The following FBN2 variants were observed in gnomAD, a reference collection of about 807,000 sequenced individuals.
FBN2 encodes fibrillin 2.
A neutral mutation model predicts 355.6 loss-of-function variants in FBN2; 105 were observed. That is an observed-to-expected ratio of 0.30 (90% CI 0.25 to 0.35). The LOEUF is 0.35. FBN2 is among the 10% of genes least tolerant of loss of function. The probability of loss-of-function intolerance (pLI) is 1.00; values close to 1 mark genes in which losing one functional copy is unlikely to be tolerated. For missense variants in FBN2, 3,280 were observed against 3,758.7 expected, an observed-to-expected ratio of 0.87 and a Z score of 3.33; for synonymous variants, 1,350 against 1,301.2, an observed-to-expected ratio of 1.04 and a Z score of -0.81.
intron 15 of FBN2, among the ~76,000 whole-genome samples, chr5:128,372,649 G>C (rs1751972589): frequency 6.6e-6 from 1 of 152,054 alleles, no homozygotes; most frequent in African/African-American, 2.4e-5. Context: ...ATGCCACCAT[G>C]CCTGGCTAAT....
In FBN2 at chr5:128,263,450, G is replaced by T. The variant is rs143401228; in HGVS notation, c.8167C>A (p.Pro2723Thr). The change falls in exon 63 of 65, where the codon CCT becomes ACT. Residue 2723 changes from proline to threonine, a missense_variant. Physicochemically the swap from Pro to Thr is conservative, Grantham distance 38. Around this residue, in one of 6 missense-constraint regions of FBN2, gnomAD observed 311 missense variants for 319.1 expected, o/e 0.97. Transcript: ENST00000262464. ...CCTTGTCCCACTCTGTAATACCCAG[G>T]GGGGCAGCCACAGAGGTAGCCCCCC... is the stretch of plus-strand genomic sequence containing the variant. The part of the protein sequence containing the change: ...TEGGYLCGCP[P>T]GYYRVGQGHC... 2 of 1,613,918 alleles carry T rather than the reference G, an allele frequency of 1.2e-6. No homozygotes were observed. The highest frequency in any genetic ancestry group is 1.1e-5 in the South Asian group (1 of 91,064).
chr5:128,307,385 C>CCATTATTAT (rs1158094274), intron 41 of FBN2, among the ~76,000 whole-genome samples, 182 bp from the exon 42 acceptor site: 1 of 151,984 alleles, frequency 6.6e-6, no homozygotes, highest in African/African-American at 2.4e-5. Flanking sequence ...GCATTCTTTA[C>CCATTATTAT]CATTATTATC....
intron 12 of FBN2, 46 bp downstream of exon 12, chr5:128,378,725 C>T: frequency 1.9e-6 from 3 of 1,609,222 alleles, no homozygotes; most frequent in Non-Finnish European, 2.5e-6. Context: ...GCCTTGGTCA[C>T]TATATTTCAT....
chr5:128,339,804 T>C (rs1280478024), intron 25 of FBN2, among the ~76,000 whole-genome samples: 5 of 152,116 alleles, frequency 3.3e-5, no homozygotes, highest in African/African-American at 1.2e-4. Flanking sequence ...CAGGAGGGAC[T>C]GGCAAACCCC....
At chr5:128,502,026 T>C (rs1226196667) in intron 5 of FBN2, among the ~76,000 whole-genome samples, 1 of 147,526 alleles carries the variant, frequency 6.8e-6, no homozygotes. Flanking sequence ...GAAAAAAATA[T>C]ATACATGATT....
chr5:128,454,696 A>G (rs1754338024), intron 6 of FBN2, among the ~76,000 whole-genome samples: 1 of 152,202 alleles, frequency 6.6e-6, no homozygotes, highest in African/African-American at 2.4e-5. Flanking sequence ...TGGTGCACTA[A>G]CGCCATATGA....
chr5:128,357,473 G>A, intron 19 of FBN2, 78 bp from the exon 20 acceptor site: 1 of 1,558,844 alleles, frequency 6.4e-7, no homozygotes, highest in Non-Finnish European at 8.8e-7. Flanking sequence ...GCCATGCAAT[G>A]CCAGAATGTC....
rs371636769 is a variant in FBN2, at chr5:128,392,159, C to T, written c.1466-4G>A. ...TCTATTGTCTGGTTCAGAATTGCTA[C>T]GGAAAATTAAAGCACAATTATATTT... On this transcript the variant is annotated splice_region_variant and splice_polypyrimidine_tract_variant and intron_variant, in intron 10 of 64. Transcript: ENST00000262464. 3.9e-4 allele frequency: 634 copies of T among 1,612,598 alleles called. No homozygotes were observed. The highest frequency in any genetic ancestry group is 5.1e-4 in the Non-Finnish European group (598 of 1,179,066).
intron 9 of FBN2, among the ~76,000 whole-genome samples, chr5:128,393,900 G>T (rs1752583737): frequency 1.3e-5 from 2 of 151,996 alleles, no homozygotes; most frequent in Non-Finnish European, 2.9e-5. Context: ...TTTTTGTCCA[G>T]GTGACAAAGT....
chr5:128,266,731 A>G (rs567323450), intron 62 of FBN2, among the ~76,000 whole-genome samples: 1 of 152,244 alleles, frequency 6.6e-6, no homozygotes, highest in African/African-American at 2.4e-5. Context: ...TTTTGGATTA[A>G]GGTCTATGGA....
At chr5:128,358,901 A>C (rs1187758787) in intron 19 of FBN2, among the ~76,000 whole-genome samples, 3 of 152,038 alleles carry the variant, frequency 2.0e-5, no homozygotes, top group African/African-American at 7.2e-5. Context: ...ATATGCGCTG[A>C]CAACTACAAA....
At chr5:128,535,407 A>C (rs1179412443) in intron 2 of FBN2, among the ~76,000 whole-genome samples, 2 of 152,184 alleles carry the variant, frequency 1.3e-5, no homozygotes, top group Non-Finnish European at 2.9e-5. Flanking sequence ...TTCTCTGTTC[A>C]CAGTTGCATA....
chr5:128,286,171 TA>T (rs1210530966), intron 55 of FBN2, among the ~76,000 whole-genome samples: 1 of 152,208 alleles, frequency 6.6e-6, no homozygotes, highest in African/African-American at 2.4e-5. Context: ...TTTTTAACTT[TA>T]TTAAGTACTA....
intron 7 of FBN2, among the ~76,000 whole-genome samples, chr5:128,445,004 C>G (rs1427578064): frequency 6.6e-6 from 1 of 152,082 alleles, no homozygotes; most frequent in African/African-American, 2.4e-5. Flanking sequence ...CAAAAAGCGG[C>G]CAGGAAAAAG....
chr5:128,408,181 C>T (rs1752980323), intron 8 of FBN2, among the ~76,000 whole-genome samples: 1 of 152,144 alleles, frequency 6.6e-6, no homozygotes, highest in African/African-American at 2.4e-5. Flanking sequence ...AACAGATTAC[C>T]TTCACCATGA....
chr5:128,402,542 T>G (rs916360515), intron 8 of FBN2, among the ~76,000 whole-genome samples: 1 of 152,194 alleles, frequency 6.6e-6, no homozygotes, highest in Non-Finnish European at 1.5e-5. Flanking sequence ...GTAAACTTGA[T>G]TTAAGAGAAC....
intron 52 of FBN2, 34 bp from the exon 53 acceptor site, chr5:128,288,591 T>C (rs760727229): frequency 6.2e-6 from 10 of 1,609,806 alleles, no homozygotes; most frequent in Non-Finnish European, 7.6e-6. Flanking sequence ...GCCACAAAGA[T>C]GTTTTAGTTT....
chr5:128,411,637 GT>G (rs1045950323), intron 7 of FBN2, among the ~76,000 whole-genome samples: 2 of 152,142 alleles, frequency 1.3e-5, no homozygotes. Context: ...GGAGCTTGGG[GT>G]TTTTATAGGT....
At chr5:128,345,263 G>C (rs1420050474) in intron 24 of FBN2, 94 bp downstream of exon 24, 1 of 1,008,808 alleles carries the variant, frequency 9.9e-7, no homozygotes, top group African/African-American at 1.6e-5. Context: ...AATAAAGTGG[G>C]AAGTCAAACA....
Sources: gnomAD v4.1 joint callset for allele counts (sites outside exome capture counted in the v4.1 genomes callset) on GRCh38, gnomAD v4.1.1 for gene constraint, gnomAD v4.1.1 regional missense constraint, MANE v1.5 for transcripts, NCBI Gene and HGNC (gene_info 2026-07-23, HGNC 2026-07-21) for gene names.